CDH18: variants seen among roughly 807,000 people sequenced by gnomAD.
CDH18 encodes cadherin 18, also known as cadherin-18.
In CDH18, 31 loss-of-function variants were observed where a neutral mutation model predicts 67.9. The ratio of observed to expected loss-of-function variants is 0.46; its 90% CI spans 0.34 to 0.62. The LOEUF is 0.62. Ranked by LOEUF, CDH18 falls within the 20% of genes least tolerant of loss-of-function variation. The pLI, the probability that CDH18 is intolerant of heterozygous loss-of-function variation, is 0.01. For missense variants in CDH18, 890 were observed against 975.5 expected (o/e 0.91, Z 1.17); for synonymous variants, 362 against 347.2 (o/e 1.04, Z -0.48).
At chr5:20,014,189 T>C (rs930856225) in intron 2 of CDH18, among the ~76,000 whole-genome samples, 1 of 152,112 alleles carries the variant, frequency 6.6e-6, no homozygotes, top group Non-Finnish European at 1.5e-5. Context: ...TTTGAAAATA[T>C]TTACAAGAAA....
intron 6 of CDH18, among the ~76,000 whole-genome samples, chr5:19,600,017 G>A (rs893723010): frequency 6.6e-6 from 1 of 152,116 alleles, no homozygotes; most frequent in East Asian, 1.9e-4. Context: ...ATTTAGCCAT[G>A]CAACAGGGGA....
chr5:20,394,379 G>A (rs1323754854), intron 1 of CDH18, among the ~76,000 whole-genome samples: 4 of 152,030 alleles, frequency 2.6e-5, no homozygotes, highest in African/African-American at 7.2e-5. Flanking sequence ...GAATCCTGCA[G>A]AGGAATAAAT....
chr5:20,066,241 T>G (rs909935215), intron 2 of CDH18, among the ~76,000 whole-genome samples: 4 of 152,032 alleles, frequency 2.6e-5, no homozygotes, highest in Non-Finnish European at 4.4e-5. Flanking sequence ...TTTGAAAATG[T>G]AGAGCTCCAC....
At chr5:20,135,819 A>G (rs1023074003) in intron 2 of CDH18, among the ~76,000 whole-genome samples, 2 of 152,170 alleles carry the variant, frequency 1.3e-5, no homozygotes, top group Non-Finnish European at 2.9e-5. Context: ...TTGAAATAAC[A>G]TCTTTATTTC....
intron 2 of CDH18, among the ~76,000 whole-genome samples, chr5:19,876,447 C>T (rs1298134149): frequency 2.6e-5 from 4 of 151,986 alleles, no homozygotes; most frequent in African/African-American, 7.2e-5. Context: ...AGAGAGTTCC[C>T]GTTATCTGGA....
chr5:19,940,000 A>C (rs1026153520), intron 2 of CDH18, among the ~76,000 whole-genome samples: 1 of 151,862 alleles, frequency 6.6e-6, no homozygotes. Context: ...TATTTTAACA[A>C]GTTTTTAGTG....
intron 2 of CDH18, among the ~76,000 whole-genome samples, chr5:19,998,039 C>A (rs543994874): frequency 6.6e-6 from 1 of 152,194 alleles, no homozygotes; most frequent in East Asian, 1.9e-4. Context: ...GGCAAAGTGA[C>A]CATGCAGAAG....
At chr5:20,239,835 G>A (rs1742757258) in intron 2 of CDH18, among the ~76,000 whole-genome samples, 1 of 151,774 alleles carries the variant, frequency 6.6e-6, no homozygotes, top group South Asian at 2.1e-4. Context: ...GAGTCTCCTG[G>A]ATCTGGGCCT....
intron 3 of CDH18, among the ~76,000 whole-genome samples, chr5:19,821,519 A>C (rs931714074): frequency 1.2e-4 from 19 of 152,192 alleles, no homozygotes; most frequent in Non-Finnish European, 2.2e-4. Context: ...GACAGTAAGC[A>C]ACTTGGAAAA....
At chr5:19,490,401 T>G (rs1342632609) in intron 11 of CDH18, among the ~76,000 whole-genome samples, 1,124 of 109,290 alleles carry the variant, frequency 0.01, 80 homozygotes, top group South Asian at 0.025. Context: ...TCTGTTTTTT[T>G]TTTTTTTTTT....
At chr5:19,878,784 A>G (rs1246899905) in intron 2 of CDH18, among the ~76,000 whole-genome samples, 1 of 152,138 alleles carries the variant, frequency 6.6e-6, no homozygotes, top group Non-Finnish European at 1.5e-5. Flanking sequence ...TGAGTCTATG[A>G]TAAATGTACT....
At chr5:20,094,360 C>G (rs1346558245) in intron 2 of CDH18, among the ~76,000 whole-genome samples, 3 of 152,132 alleles carry the variant, frequency 2.0e-5, no homozygotes, top group Non-Finnish European at 2.9e-5. Flanking sequence ...GTTTTGGTTA[C>G]TGTTGCCTTG....
intron 5 of CDH18, among the ~76,000 whole-genome samples, chr5:19,617,312 A>T (rs905273611): frequency 2.6e-5 from 4 of 152,220 alleles, no homozygotes; most frequent in East Asian, 1.9e-4. Context: ...AACTATATAG[A>T]CATAGTCCAA....
intron 2 of CDH18, among the ~76,000 whole-genome samples, chr5:19,976,621 T>A (rs1579909308): frequency 6.6e-6 from 1 of 152,080 alleles, no homozygotes; most frequent in Non-Finnish European, 1.5e-5. Context: ...AGAGGATTAA[T>A]GAGGACTGGA....
intron 2 of CDH18, among the ~76,000 whole-genome samples, chr5:20,102,746 G>T (rs1746582262): frequency 1.3e-5 from 2 of 152,120 alleles, no homozygotes; most frequent in South Asian, 4.1e-4. Flanking sequence ...GACAGAAGGA[G>T]GGGCTCCTGG....
intron 1 of CDH18, among the ~76,000 whole-genome samples, chr5:20,541,889 T>A (rs1275892730): frequency 3.9e-5 from 6 of 152,204 alleles, no homozygotes; most frequent in Non-Finnish European, 8.8e-5. Context: ...GGTTAAACAT[T>A]CATTAGCTTT....
chr5:19,969,892 CT>C (rs1272650255), intron 2 of CDH18, among the ~76,000 whole-genome samples: 1 of 151,736 alleles, frequency 6.6e-6, no homozygotes, highest in African/African-American at 2.4e-5. Flanking sequence ...AAATTAACAC[CT>C]TATTATAGTA....
intron 2 of CDH18, among the ~76,000 whole-genome samples, chr5:20,208,635 G>C (rs1231799632): frequency 6.7e-6 from 1 of 149,398 alleles, no homozygotes; most frequent in Non-Finnish European, 1.5e-5. Context: ...AAGCATTGCA[G>C]AAATGCTCTA....
chr5:19,570,418 C>T (rs911071045), intron 8 of CDH18, among the ~76,000 whole-genome samples: 5 of 152,070 alleles, frequency 3.3e-5, no homozygotes, highest in African/African-American at 1.2e-4. Context: ...CATTTGTGCA[C>T]AGAAAATTGC....
Sources: allele counts gnomAD v4.1 joint callset (sites outside exome capture counted in the v4.1 genomes callset), GRCh38; gene constraint gnomAD v4.1.1; transcripts MANE v1.5; gene names NCBI Gene and HGNC (gene_info 2026-07-23, HGNC 2026-07-21).